PPARD: variants seen among roughly 807,000 people sequenced by gnomAD.
The protein encoded by PPARD is peroxisome proliferator activated receptor delta.
A neutral mutation model predicts 39.5 loss-of-function variants in PPARD; 6 were observed. That is an observed-to-expected ratio of 0.15 (90% CI 0.08 to 0.30). PPARD has a LOEUF of 0.30. Among genes scored for constraint, PPARD ranks in the 10% least tolerant of loss-of-function variants. The pLI is 1.00. For synonymous variants in PPARD, 210 were observed against 231.3 expected, an observed-to-expected ratio of 0.91 and a Z score of 0.83; for missense variants, 397 against 596.8, an observed-to-expected ratio of 0.67 and a Z score of 3.49.
At chr6:35,394,894 A>C (rs998775264) in intron 2 of PPARD, among the ~76,000 whole-genome samples, 2 of 152,050 alleles carry the variant, frequency 1.3e-5, no homozygotes, top group Non-Finnish European at 2.9e-5. Context: ...CCCTCATCTC[A>C]GCATTGCCAC....
intron 2 of PPARD, among the ~76,000 whole-genome samples, chr6:35,383,817 G>A (rs1314002452): frequency 1.4e-5 from 2 of 146,982 alleles, no homozygotes; most frequent in Admixed American, 6.6e-5. Context: ...GAGAAGTGAG[G>A]AGACCCTCCA....
chr6:35,419,521 T>C (rs1170682402), intron 3 of PPARD, among the ~76,000 whole-genome samples: 1 of 152,234 alleles, frequency 6.6e-6, no homozygotes, highest in Non-Finnish European at 1.5e-5. Context: ...ATATGACTGA[T>C]ACCTAAGCTG....
intron 2 of PPARD, among the ~76,000 whole-genome samples, chr6:35,351,624 C>T (rs1372287548): frequency 2.0e-5 from 3 of 152,130 alleles, no homozygotes; most frequent in Non-Finnish European, 2.9e-5. Context: ...GCAGTCATAG[C>T]TCACTTGCAG....
At chr6:35,371,258 C>T (rs7739752) in intron 2 of PPARD, among the ~76,000 whole-genome samples, 34,638 of 151,986 alleles carry the variant, frequency 0.23, 8,754 homozygotes, top group African/African-American at 0.63. Context: ...TCTCCCATGG[C>T]CTCTGTTTCC....
Position 35,366,492 on chromosome 6 carries a change from G to A in PPARD, c.-102+19342G>A, listed in dbSNP as rs1224523492. Among the ~76,000 whole-genome samples the A allele has an allele frequency of 6.6e-6, 1 of 151,564 alleles. No individual in the cohort carries two copies. Among genetic ancestry groups the A allele is most frequent in the African/African-American group, 2.4e-5 (1 of 40,862 alleles). On this transcript the variant is annotated intron_variant, in intron 2 of 7. Transcript: ENST00000360694. The surrounding 1 kb of genome is among the most constrained non-coding windows in gnomAD (Gnocchi z 4.6). Reference sequence around the variant, plus strand: ...AATGGAGAGAGATACACAGGCAGAGGCCTAGATTAGGAGATGGCTATAGTA... The same window carrying A: ...AATGGAGAGAGATACACAGGCAGAGACCTAGATTAGGAGATGGCTATAGTA...
intron 3 of PPARD, 76 bp downstream of exon 3, chr6:35,411,293 A>T: frequency 7.4e-7 from 1 of 1,347,080 alleles, no homozygotes; most frequent in East Asian, 2.8e-5. Flanking sequence ...GCCCTCTGCA[A>T]ACGCCATCAT....
chr6:35,374,049 A>G (rs1318862798), intron 2 of PPARD, among the ~76,000 whole-genome samples: 3 of 152,154 alleles, frequency 2.0e-5, no homozygotes, highest in Non-Finnish European at 4.4e-5. Flanking sequence ...AGCCAGTGAA[A>G]GTGGTCCACC....
chr6:35,423,811 A>G, intron 5 of PPARD, 135 bp from the exon 6 acceptor site: 1 of 747,140 alleles, frequency 1.3e-6, no homozygotes, highest in Non-Finnish European at 2.1e-6. Context: ...CATCATTCCT[A>G]CCTTGCTGAC....
In PPARD at chr6:35,366,652, C is replaced by G. The variant is rs1182032887; in HGVS notation, c.-102+19502C>G. On this transcript the variant is annotated intron_variant, in intron 2 of 7. Coordinates refer to ENST00000360694, the MANE Select transcript of PPARD (RefSeq NM_006238.5). This position sits in a 1 kb window ranked among gnomAD's most constrained non-coding sequence, Gnocchi z 4.6. ...GCAACCTCTGCCTCCCGGGTTCAAG[C>G]AATTCTAGTGCCTCAGCCTCCTTAG... Among the ~76,000 whole-genome samples the G allele has an allele frequency of 6.6e-6, 1 of 151,796 alleles. No homozygotes were observed. The highest frequency in any genetic ancestry group is 1.5e-5 in the Non-Finnish European group (1 of 67,960).
chr6:35,387,958 A>G (rs61116413), intron 2 of PPARD, among the ~76,000 whole-genome samples: 7,131 of 150,448 alleles, frequency 0.047, 394 homozygotes, highest in African/African-American at 0.14. Flanking sequence ...CTGACCTCAA[A>G]TGATCTGCCC....
intron 2 of PPARD, among the ~76,000 whole-genome samples, chr6:35,351,175 G>A (rs886923969): frequency 5.9e-5 from 9 of 151,884 alleles, no homozygotes; most frequent in Non-Finnish European, 1.0e-4. Context: ...ACAGGTGCCC[G>A]CCACCACGCC....
In PPARD at chr6:35,425,576, T is replaced by C. The variant is rs1373477712; in HGVS notation, c.1079-256T>C. Among the ~76,000 whole-genome samples the C allele has an allele frequency of 6.6e-6, 1 of 152,044 alleles. No individual in the cohort carries two copies. The highest frequency in any genetic ancestry group is 1.5e-5 in the Non-Finnish European group (1 of 68,014). On this transcript the variant is annotated intron_variant, in intron 7 of 7. Transcript: ENST00000360694. The surrounding 1 kb of genome is among the most constrained non-coding windows in gnomAD (Gnocchi z 4.5). The stretch of plus-strand genomic sequence containing the variant: ...GCAGACACAGGATTTGAATTAAGCA[T>C]TGAGTCTCTTAACCACAATACTACG...
intron 2 of PPARD, 142 bp downstream of exon 2, chr6:35,347,292 T>A: frequency 7.2e-6 from 7 of 967,020 alleles, no homozygotes; most frequent in South Asian, 1.5e-5. Context: ...CTGGTACCAG[T>A]TGCTTATGCA....
intron 2 of PPARD, among the ~76,000 whole-genome samples, chr6:35,367,473 T>C (rs1201179988): frequency 6.6e-6 from 1 of 152,310 alleles, no homozygotes; most frequent in East Asian, 1.9e-4. Context: ...ATTCAGGTTA[T>C]CATCATTCCC....
In PPARD at chr6:35,366,566, T is replaced by C. The variant is rs564765413; in HGVS notation, c.-102+19416T>C. Among the ~76,000 whole-genome samples the C allele has an allele frequency of 1.8e-4, 27 of 151,546 alleles. No individual in the cohort carries two copies. In the East Asian group the frequency reaches 4.6e-3, roughly 26 times the overall value. On this transcript the variant is annotated intron_variant, in intron 2 of 7. Coordinates refer to ENST00000360694, the MANE Select transcript of PPARD (RefSeq NM_006238.5). The surrounding 1 kb of genome is among the most constrained non-coding windows in gnomAD (Gnocchi z 4.6). ...TGTAGTACTAAATACTTTTTTTTTTTTTTAAGACAATCTCACTCTGTCACC... is the reference window on the plus strand; with the variant it reads ...TGTAGTACTAAATACTTTTTTTTTTCTTTAAGACAATCTCACTCTGTCACC...
At chr6:35,353,367 T>C (rs1761376195) in intron 2 of PPARD, among the ~76,000 whole-genome samples, 1 of 152,182 alleles carries the variant, frequency 6.6e-6, no homozygotes, top group African/African-American at 2.4e-5. Flanking sequence ...TTTAAGTGTA[T>C]TGATTTTGAT....
chr6:35,369,384 A>G (rs1346250626), intron 2 of PPARD, among the ~76,000 whole-genome samples: 1 of 152,212 alleles, frequency 6.6e-6, no homozygotes, highest in East Asian at 1.9e-4. Context: ...AACCATCACC[A>G]CAATCTAGTT....
In PPARD at chr6:35,400,264, C is replaced by T. The variant is rs557179935; in HGVS notation, c.-101-10723C>T. Reference sequence around the variant, plus strand: ...CACCCACTCAGTGGCTGCCCTTCTCCTTACCACCAGCCTTCGTCCCCTCAC... The same window carrying T: ...CACCCACTCAGTGGCTGCCCTTCTCTTTACCACCAGCCTTCGTCCCCTCAC... On this transcript the variant is annotated intron_variant, in intron 2 of 7. Transcript: ENST00000360694. Among the ~76,000 whole-genome samples, 6 of 152,332 alleles carry T rather than the reference C, an allele frequency of 3.9e-5. No individual in the cohort carries two copies. In the East Asian group the frequency reaches 9.6e-4, roughly 24 times the overall value.
At chr6:35,353,525 C>T (rs895521064) in intron 2 of PPARD, among the ~76,000 whole-genome samples, 2 of 152,016 alleles carry the variant, frequency 1.3e-5, no homozygotes, top group African/African-American at 4.8e-5. Context: ...TGTCAAAGCA[C>T]ATAAAAAGTT....
Sources: allele counts gnomAD v4.1 joint callset (sites outside exome capture counted in the v4.1 genomes callset), GRCh38; gene constraint gnomAD v4.1.1; non-coding constraint Gnocchi (gnomAD v3.1); transcripts MANE v1.5; gene names NCBI Gene and HGNC (gene_info 2026-07-23, HGNC 2026-07-21).